NCOA1: variants seen among roughly 807,000 people sequenced by gnomAD.
The protein encoded by NCOA1 is Hin-2 protein.
Under a neutral mutation model 150.9 loss-of-function variants are expected in NCOA1, and 35 were observed. The ratio of observed to expected loss-of-function variants is 0.23; its 90% CI spans 0.18 to 0.31. The LOEUF (loss-of-function observed/expected upper bound fraction) is 0.31. Among genes scored for constraint, NCOA1 ranks in the 10% least tolerant of loss-of-function variants. The probability of loss-of-function intolerance (pLI) is 1.00; values close to 1 mark genes in which losing one functional copy is unlikely to be tolerated. For synonymous variants in NCOA1, 590 were observed against 630.0 expected (o/e 0.94, Z 0.95); for missense variants, 1,491 against 1,749.3 (o/e 0.85, Z 2.63).
Position 24,564,353 on chromosome 2 carries a change from C to CTTG in NCOA1, c.-337_-336insTTG. On this transcript the variant is annotated 5_prime_UTR_variant, in exon 2 of 23. Coordinates refer to ENST00000348332, the MANE Select transcript of NCOA1 (RefSeq NM_003743.5). Reference sequence around the variant, plus strand: ...TGACTCTGATGATAAAATCAAGGACCATCAAGCAAGATCATGCAGTAGGCA... The same window carrying CTTG: ...TGACTCTGATGATAAAATCAAGGACCTTGATCAAGCAAGATCATGCAGTAGGCA... 6.6e-6 allele frequency: 1 copy of CTTG among 152,278 alleles called. No individual in the cohort carries two copies. Among genetic ancestry groups the CTTG allele is most frequent in the African/African-American group, 2.4e-5 (1 of 41,534 alleles). The allele number at this position is 152,278 out of a possible 1,614,324, so 9.4% of individuals were successfully genotyped here. A position where few individuals can be genotyped will look rare whatever the true frequency, so the allele number is the denominator to read the frequency against.
At chr2:24,645,618 C>T (rs1056917132) in intron 4 of NCOA1, among the ~76,000 whole-genome samples, 1 of 152,000 alleles carries the variant, frequency 6.6e-6, no homozygotes, top group Non-Finnish European at 1.5e-5. Context: ...TTGAGTGCCC[C>T]ATATCTGAAA....
Position 24,599,879 on chromosome 2 carries a change from C to T in NCOA1, c.-175+15319C>T, listed in dbSNP as rs554156055. 3.4e-4 allele frequency among the ~76,000 whole-genome samples: 51 copies of T among 151,804 alleles called. 1 individual carries two copies. The South Asian group carries it at 5.0e-3, about 15-fold the overall frequency. On this transcript the variant is annotated intron_variant, in intron 3 of 22. Coordinates refer to ENST00000348332, the MANE Select transcript of NCOA1 (RefSeq NM_003743.5). Reference sequence around the variant, plus strand: ...CCGAGTAGCTGGGATTACAGGTGCCCGCCACCACGTCCGGCAAATTTTTGT... The same window carrying T: ...CCGAGTAGCTGGGATTACAGGTGCCTGCCACCACGTCCGGCAAATTTTTGT...
chr2:24,703,044 T>C (rs1673238677), intron 11 of NCOA1, among the ~76,000 whole-genome samples: 5 of 152,210 alleles, frequency 3.3e-5, no homozygotes, highest in Admixed American at 3.3e-4. Flanking sequence ...TGGGTTTTTT[T>C]CCCTCTGATG....
intron 3 of NCOA1, among the ~76,000 whole-genome samples, chr2:24,611,480 C>T (rs114820334): frequency 3.2e-4 from 49 of 152,098 alleles, no homozygotes; most frequent in African/African-American, 1.2e-3. Context: ...GTTTGCTGGG[C>T]CAAATGGTAG....
At chr2:24,576,188 T>TTTTTG (rs1558806701) in intron 2 of NCOA1, among the ~76,000 whole-genome samples, 1 of 97,358 alleles carries the variant, frequency 1.0e-5, no homozygotes, top group African/African-American at 3.3e-5. Flanking sequence ...TTTTTTTTTT[T>TTTTTG]TTTGTTTGCT....
chr2:24,594,628 G>A (rs907687889), intron 3 of NCOA1, among the ~76,000 whole-genome samples: 6 of 151,944 alleles, frequency 3.9e-5, no homozygotes, highest in Admixed American at 6.6e-5. Context: ...CCTTAACATC[G>A]GTATTACTTG....
rs753591866 is a variant in NCOA1 at position 24,693,264 on chromosome 2, G to A, written c.725G>A (p.Cys242Tyr). ...IQEDGEDFQS[C>Y]LICIARRLPR... is the part of the protein sequence containing the mutation. ...TTGTTTTGGGCAGATTTCCAGTCAT[G>A]TCTGATTTGTATTGCACGGCGATTA... is the stretch of plus-strand genomic sequence containing the variant. Residue 242 changes from cysteine (C) to tyrosine (Y), a missense_variant, in exon 10 of 23, where the codon TGT becomes TAT. By Grantham distance (194) the Cys-to-Tyr change is radical. Around this residue, in one of 8 missense-constraint regions of NCOA1, gnomAD observed 99 missense variants for 122.8 expected, o/e 0.81. Transcript: ENST00000348332. 3 of 1,614,084 alleles carry A rather than the reference G, an allele frequency of 1.9e-6. No individual in the cohort carries two copies. Among genetic ancestry groups the A allele is most frequent in the Non-Finnish European group, 2.5e-6 (3 of 1,180,000 alleles).
chr2:24,662,452 A>T (rs1253746759), intron 5 of NCOA1, among the ~76,000 whole-genome samples: 1 of 152,206 alleles, frequency 6.6e-6, no homozygotes, highest in African/African-American at 2.4e-5. Context: ...TACAAGTGAA[A>T]TGTGAGACAT....
chr2:24,553,753 T>C (rs543151969), intron 1 of NCOA1, among the ~76,000 whole-genome samples: 5 of 152,304 alleles, frequency 3.3e-5, no homozygotes, highest in Admixed American at 2.6e-4. Flanking sequence ...TCTTGTAGTT[T>C]GTTTTGGTCT....
intron 4 of NCOA1, among the ~76,000 whole-genome samples, chr2:24,657,127 C>T (rs1292614581): frequency 6.6e-6 from 1 of 152,172 alleles, no homozygotes; most frequent in Non-Finnish European, 1.5e-5. Flanking sequence ...TTCTTCCCGG[C>T]ACGGAAGCCC....
At position 24,500,137 on chromosome 2, in the gene NCOA1, T is replaced by G. The variant is rs546330994; in HGVS notation, c.-396+8535T>G. 2.0e-4 allele frequency among the ~76,000 whole-genome samples: 31 copies of G among 152,224 alleles called. 1 individual carries two copies. The South Asian group carries it at 6.0e-3, about 30-fold the overall frequency. Reference sequence around the variant, plus strand: ...CTTTCTTTTTTTTTGAGAAGGAGTTTCGCTCTTGTCGCCCAGGCTGGAGTG... The same window carrying G: ...CTTTCTTTTTTTTTGAGAAGGAGTTGCGCTCTTGTCGCCCAGGCTGGAGTG... On this transcript the variant is annotated intron_variant, in intron 1 of 22. Coordinates refer to ENST00000348332, the MANE Select transcript of NCOA1 (RefSeq NM_003743.5).
chr2:24,672,103 A>G (rs760803611), intron 6 of NCOA1, among the ~76,000 whole-genome samples: 12 of 149,402 alleles, frequency 8.0e-5, no homozygotes, highest in Non-Finnish European at 1.6e-4. Flanking sequence ...ACATGAAACA[A>G]TAACATTGTT....
intron 4 of NCOA1, among the ~76,000 whole-genome samples, chr2:24,650,033 T>C (rs1670644914): frequency 6.6e-6 from 1 of 152,156 alleles, no homozygotes; most frequent in Non-Finnish European, 1.5e-5. Context: ...TAAGATTAAA[T>C]GGTGTTTTGA....
At chr2:24,499,399 T>C (rs1210694799) in intron 1 of NCOA1, among the ~76,000 whole-genome samples, 1 of 152,212 alleles carries the variant, frequency 6.6e-6, no homozygotes, top group African/African-American at 2.4e-5. Context: ...AGGATTGCAA[T>C]ATTCCAACAT....
At chr2:24,591,652 A>G (rs1322537658) in intron 3 of NCOA1, among the ~76,000 whole-genome samples, 1 of 152,088 alleles carries the variant, frequency 6.6e-6, no homozygotes. Flanking sequence ...TAATATGCCA[A>G]GCTCCCCAGT....
rs1193401447 is a variant in NCOA1 at position 24,705,244 on chromosome 2, T to C, written c.1097+11T>C. ...TCATATCATCGACAGGTACTACTTATTTGGAGAGCTTCATATGAAATAAGC... is the reference window on the plus strand; with the variant it reads ...TCATATCATCGACAGGTACTACTTACTTGGAGAGCTTCATATGAAATAAGC... On this transcript the variant is annotated intron_variant, in intron 12 of 22. Coordinates refer to ENST00000348332, the MANE Select transcript of NCOA1 (RefSeq NM_003743.5). 1.9e-6 allele frequency: 3 copies of C among 1,612,500 alleles called. No homozygotes were observed. The highest frequency in any genetic ancestry group is 1.7e-5 in the Admixed American group (1 of 59,946).
At chr2:24,679,369 A>G (rs985456690) in intron 7 of NCOA1, among the ~76,000 whole-genome samples, 1 of 152,220 alleles carries the variant, frequency 6.6e-6, no homozygotes, top group Non-Finnish European at 1.5e-5. Context: ...TTAACCAGAT[A>G]TACTTTTAGA....
At chr2:24,687,215 A>G (rs1672446303) in intron 8 of NCOA1, among the ~76,000 whole-genome samples, 1 of 151,878 alleles carries the variant, frequency 6.6e-6, no homozygotes, top group South Asian at 2.1e-4. Flanking sequence ...ACTGAGTGTG[A>G]TTAGATATTT....
chr2:24,690,720 T>C (rs1160032743), intron 8 of NCOA1, among the ~76,000 whole-genome samples: 1 of 148,500 alleles, frequency 6.7e-6, no homozygotes. Flanking sequence ...GACCACGTGA[T>C]TTAAACATGA....
Sources: gnomAD v4.1 joint callset for allele counts (sites outside exome capture counted in the v4.1 genomes callset) on GRCh38, gnomAD v4.1.1 for gene constraint, gnomAD v4.1.1 regional missense constraint, MANE v1.5 for transcripts, NCBI Gene and HGNC (gene_info 2026-07-23, HGNC 2026-07-21) for gene names.